The following STXBP5L variants were observed in gnomAD, a reference collection of about 807,000 sequenced individuals.
STXBP5L encodes the protein syntaxin-binding protein 5-like.
In STXBP5L, 65 loss-of-function variants were observed where a neutral mutation model predicts 144.5. That is an observed-to-expected ratio of 0.45 (90% confidence interval 0.37 to 0.55). STXBP5L has a LOEUF of 0.55. STXBP5L is among the 20% of genes least tolerant of loss of function. The pLI is 0.00. For missense variants in STXBP5L, 1,298 were observed against 1,405.5 expected (o/e 0.92, Z 1.22); for synonymous variants, 505 against 469.6 (o/e 1.08, Z -0.97).
At position 121,006,085 on chromosome 3, in the gene STXBP5L, G is replaced by A. The variant is rs181237573; in HGVS notation, c.288-35615G>A. ...TGTTAGGTCTGCTTGGTGCAGAGCT[G>A]AGTTCAATTCCTGGGTATCCTTGTT... On this transcript the variant is annotated intron_variant, in intron 3 of 26. Transcript: ENST00000471454. 9.1e-3 allele frequency among the ~76,000 whole-genome samples: 1,379 copies of A among 152,278 alleles called. 30 individuals carry two copies. The highest frequency in any genetic ancestry group is 0.03 in the African/African-American group (1,265 of 41,544).
At chr3:120,992,230 T>G (rs1439798924) in intron 3 of STXBP5L, among the ~76,000 whole-genome samples, 7 of 152,174 alleles carry the variant, frequency 4.6e-5, no homozygotes, top group Admixed American at 1.3e-4. Flanking sequence ...ATGAATACAA[T>G]GTGTAGTGAT....
At chr3:121,113,246 C>T (rs1326632699) in intron 5 of STXBP5L, among the ~76,000 whole-genome samples, 1 of 152,034 alleles carries the variant, frequency 6.6e-6, no homozygotes, top group African/African-American at 2.4e-5. Context: ...TTTATGTCTT[C>T]TTTAATGGGA....
chr3:121,291,063 G>C (rs567010442), intron 19 of STXBP5L, among the ~76,000 whole-genome samples: 1 of 152,178 alleles, frequency 6.6e-6, no homozygotes, highest in South Asian at 2.1e-4. Context: ...AACCAGACAA[G>C]AGAAATAAAT....
chr3:120,916,452 C>T (rs976084699), intron 2 of STXBP5L, among the ~76,000 whole-genome samples: 1 of 152,092 alleles, frequency 6.6e-6, no homozygotes, highest in Non-Finnish European at 1.5e-5. Context: ...AGGCGCCCAC[C>T]ACCACGCCCG....
chr3:121,010,968 A>G (rs1944730508), intron 3 of STXBP5L, among the ~76,000 whole-genome samples: 4 of 151,278 alleles, frequency 2.6e-5, no homozygotes, highest in Admixed American at 2.0e-4. Context: ...GTGTTGTTCA[A>G]GGGCCGATTG....
chr3:121,089,092 TA>T (rs375977537), intron 5 of STXBP5L, among the ~76,000 whole-genome samples: 8,305 of 55,818 alleles, frequency 0.15, 145 homozygotes, highest in Non-Finnish European at 0.18. Context: ...TAGAGTATAA[TA>T]AAAAAAAAAA....
chr3:121,343,999 T>C (rs1375887071), intron 20 of STXBP5L, among the ~76,000 whole-genome samples: 16 of 152,040 alleles, frequency 1.1e-4, no homozygotes, highest in South Asian at 4.2e-4. Flanking sequence ...CTTCTAACTA[T>C]ACTACAAAGC....
intron 9 of STXBP5L, among the ~76,000 whole-genome samples, chr3:121,179,088 C>T (rs1204549504): frequency 6.6e-6 from 1 of 151,836 alleles, no homozygotes; most frequent in Admixed American, 6.6e-5. Flanking sequence ...TGACCTGGGG[C>T]AGGTGCTCAC....
Position 121,420,908 on chromosome 3 carries a change from A to G in STXBP5L, c.*1811A>G, listed in dbSNP as rs1053749102. 1 of 152,160 alleles carries G rather than the reference A, an allele frequency of 6.6e-6. No homozygotes were observed. The highest frequency in any genetic ancestry group is 6.5e-5 in the Admixed American group (1 of 15,268). 9.4% of individuals were successfully genotyped at this position (152,160 alleles called of 1,614,324 possible). The stretch of plus-strand genomic sequence containing the variant: ...ACAAAGATGAGTGAAAGAGTTAGAT[A>G]ATGTACACTAGGATAGCATTTCTCA... On this transcript the variant is annotated 3_prime_UTR_variant, in exon 27 of 27. Coordinates refer to ENST00000471454, the MANE Select transcript of STXBP5L (RefSeq NM_001308330.2).
At chr3:121,066,883 T>C (rs960728251) in intron 5 of STXBP5L, among the ~76,000 whole-genome samples, 2 of 152,158 alleles carry the variant, frequency 1.3e-5, no homozygotes, top group Non-Finnish European at 2.9e-5. Flanking sequence ...ATATTATATT[T>C]CCTTAATAGG....
At chr3:120,934,458 T>C (rs560993473) in intron 2 of STXBP5L, among the ~76,000 whole-genome samples, 42 of 152,228 alleles carry the variant, frequency 2.8e-4, no homozygotes, top group African/African-American at 9.9e-4. Flanking sequence ...TTGAGAAGAA[T>C]GTGTGTTCTG....
chr3:121,217,170 C>A (rs566755093), intron 10 of STXBP5L, among the ~76,000 whole-genome samples: 1 of 152,154 alleles, frequency 6.6e-6, no homozygotes, highest in Non-Finnish European at 1.5e-5. Flanking sequence ...TGGCTTCAGC[C>A]CCCTTTCCTG....
chr3:121,378,964 G>C, intron 21 of STXBP5L, 78 bp downstream of exon 21: 1 of 1,381,016 alleles, frequency 7.2e-7, no homozygotes, highest in Non-Finnish European at 9.9e-7. Flanking sequence ...GATATGGGAT[G>C]GAGATCACAT....
intron 7 of STXBP5L, among the ~76,000 whole-genome samples, chr3:121,139,542 C>A (rs1459600707): frequency 6.6e-6 from 1 of 152,038 alleles, no homozygotes; most frequent in Admixed American, 6.6e-5. Flanking sequence ...AGAGTCAATG[C>A]TCTTAACAAT....
chr3:121,028,807 G>A (rs1028681867), intron 3 of STXBP5L, among the ~76,000 whole-genome samples: 2 of 151,874 alleles, frequency 1.3e-5, no homozygotes, highest in Admixed American at 1.3e-4. Flanking sequence ...CCACATTCAG[G>A]TTCTGTTTTT....
At chr3:121,210,215 G>C (rs1177919905) in intron 10 of STXBP5L, among the ~76,000 whole-genome samples, 2 of 152,018 alleles carry the variant, frequency 1.3e-5, no homozygotes, top group Non-Finnish European at 2.9e-5. Context: ...TGTGTCTTTT[G>C]GCTGCATAAA....
intron 5 of STXBP5L, among the ~76,000 whole-genome samples, chr3:121,053,357 G>T (rs1438671527): frequency 6.6e-6 from 1 of 152,140 alleles, no homozygotes. Flanking sequence ...CAAGGCTACA[G>T]TAACCAAAAC....
At chr3:121,091,118 T>G (rs1463459435) in intron 5 of STXBP5L, among the ~76,000 whole-genome samples, 1 of 149,702 alleles carries the variant, frequency 6.7e-6, no homozygotes, top group Non-Finnish European at 1.5e-5. Flanking sequence ...TCATCATTTT[T>G]TATGGCTGCA....
intron 3 of STXBP5L, among the ~76,000 whole-genome samples, chr3:120,966,324 T>G (rs1056290926): frequency 1.3e-5 from 2 of 152,222 alleles, no homozygotes; most frequent in Non-Finnish European, 2.9e-5. Context: ...GTTCCGTTGC[T>G]GGCGAGGAGC....
Sources: allele counts gnomAD v4.1 joint callset (sites outside exome capture counted in the v4.1 genomes callset), GRCh38; gene constraint gnomAD v4.1.1; transcripts MANE v1.5; gene names NCBI Gene and HGNC (gene_info 2026-07-23, HGNC 2026-07-21).